The following TRPM6 variants were observed in gnomAD, a reference collection of about 807,000 sequenced individuals.
TRPM6 encodes transient receptor potential cation channel subfamily M member 6, also known as channel kinase 2.
In TRPM6, 111 loss-of-function variants were observed where a neutral mutation model predicts 247.6. The ratio of observed to expected loss-of-function variants is 0.45; its 90% confidence interval spans 0.38 to 0.52. The LOEUF is 0.52. Ranked by LOEUF, TRPM6 falls within the 20% of genes least tolerant of loss-of-function variation. The pLI is 0.00. For missense variants in TRPM6, 2,126 were observed against 2,421.5 expected, an observed-to-expected ratio of 0.88 and a Z score of 2.56; for synonymous variants, 892 against 853.8, an observed-to-expected ratio of 1.04 and a Z score of -0.78.
intron 37 of TRPM6, among the ~76,000 whole-genome samples, chr9:74,731,717 T>C (rs188019777): frequency 1.3e-5 from 2 of 148,364 alleles, no homozygotes; most frequent in African/African-American, 4.9e-5. Flanking sequence ...ATAATATATA[T>C]AATATATATA....
At chr9:74,875,343 G>A in intron 1 of TRPM6, 1 of 436,362 alleles carries the variant, frequency 2.3e-6, no homozygotes, top group Admixed American at 2.5e-5. Flanking sequence ...AGGAGTTCGA[G>A]ACCAGCCTGG....
chr9:74,779,903 G>C (rs1827360931), intron 23 of TRPM6, among the ~76,000 whole-genome samples: 1 of 152,236 alleles, frequency 6.6e-6, no homozygotes, highest in African/African-American at 2.4e-5. Flanking sequence ...GCTGGGCGCA[G>C]TGGCTCACAC....
rs1463662254 is a variant in TRPM6 at position 74,825,637 on chromosome 9, G to C, written c.841+2141C>G. 3.3e-5 allele frequency among the ~76,000 whole-genome samples: 5 copies of C among 152,094 alleles called. No homozygotes were observed. The East Asian group carries it at 9.6e-4, about 29-fold the overall frequency. On this transcript the variant is annotated intron_variant, in intron 7 of 38. Coordinates refer to ENST00000360774, the MANE Select transcript of TRPM6 (RefSeq NM_017662.5). ...TTTCAAGGTCTTTGAAAGTAGAAATGTCATCTGCTACTATAAGCAAGCTCA... is the reference window on the plus strand; with the variant it reads ...TTTCAAGGTCTTTGAAAGTAGAAATCTCATCTGCTACTATAAGCAAGCTCA...
chr9:74,815,418 C>T (rs1485093060), intron 11 of TRPM6, among the ~76,000 whole-genome samples: 1 of 152,122 alleles, frequency 6.6e-6, no homozygotes, highest in African/African-American at 2.4e-5. Flanking sequence ...ACATGTAAGT[C>T]CTCAAAATAT....
chr9:74,852,075 G>A (rs1247551775), intron 3 of TRPM6, among the ~76,000 whole-genome samples: 1 of 151,986 alleles, frequency 6.6e-6, no homozygotes, highest in Non-Finnish European at 1.5e-5. Context: ...GTTTGAGGTT[G>A]CAATGAGCTA....
At chr9:74,767,248 G>A (rs115656281) in intron 25 of TRPM6, among the ~76,000 whole-genome samples, 108 of 152,178 alleles carry the variant, frequency 7.1e-4, no homozygotes, top group African/African-American at 2.3e-3. Context: ...CAGCATTTCC[G>A]AAATATAATG....
At position 74,775,946 on chromosome 9, in the gene TRPM6, G is replaced by A. The variant is rs1363689739; in HGVS notation, c.3340C>T (p.Leu1114Phe). ...CGATGACAGCACAGGCGGCGGAGGA[G>A]AAGGCCCACGTGGCTCAGCAGGATG... ...PLILLSHVGL[L>F]LRRLCCHRAP... Residue 1114 changes from leucine to phenylalanine, a missense_variant, in exon 24 of 39, where the codon CTC becomes TTC. Transcript: ENST00000360774. The A allele has an allele frequency of 1.2e-6, 2 of 1,614,066 alleles. No individual in the cohort carries two copies. The highest frequency in any genetic ancestry group is 1.3e-5 in the African/African-American group (1 of 74,924).
Position 74,851,270 on chromosome 9 carries a change from C to G in TRPM6, c.152+4257G>C, listed in dbSNP as rs928828164. ...AGCTCACTTTATATAAATGTCAATT[C>G]CAGGAGGGGGGTTAAAAAAAATGTC... On this transcript the variant is annotated intron_variant, in intron 3 of 38. Transcript: ENST00000360774. Among the ~76,000 whole-genome samples, 4 of 151,726 alleles carry G rather than the reference C, an allele frequency of 2.6e-5. No homozygotes were observed. In the South Asian group the frequency reaches 8.3e-4, roughly 31 times the overall value.
chr9:74,818,318 T>TC (rs1361144027), intron 9 of TRPM6, among the ~76,000 whole-genome samples: 9 of 148,326 alleles, frequency 6.1e-5, no homozygotes, highest in African/African-American at 2.2e-4. Flanking sequence ...TTTTTTTTTT[T>TC]TGAGACAGGG....
intron 13 of TRPM6, among the ~76,000 whole-genome samples, chr9:74,809,911 G>A (rs1043619518): frequency 3.4e-5 from 5 of 148,204 alleles, no homozygotes; most frequent in East Asian, 4.2e-4. Flanking sequence ...ACCAAGAGGC[G>A]GAGGTTGCAG....
At chr9:74,796,144 A>G (rs573698367) in intron 18 of TRPM6, among the ~76,000 whole-genome samples, 1 of 152,384 alleles carries the variant, frequency 6.6e-6, no homozygotes, top group East Asian at 1.9e-4. Context: ...AATTCTAAAA[A>G]CATAGCAGCT....
chr9:74,748,019 T>A, intron 30 of TRPM6, 105 bp from the exon 31 acceptor site: 7 of 1,046,022 alleles, frequency 6.7e-6, no homozygotes, highest in African/African-American at 1.6e-5. Flanking sequence ...AAAGTATATA[T>A]TTTATATACA....
At chr9:74,766,142 G>A (rs753543016) in intron 25 of TRPM6, among the ~76,000 whole-genome samples, 17 of 152,158 alleles carry the variant, frequency 1.1e-4, no homozygotes, top group Non-Finnish European at 2.4e-4. Flanking sequence ...CAGTCACATC[G>A]AATGGATACA....
chr9:74,750,642 A>G (rs1826212592), intron 30 of TRPM6, 22 bp downstream of exon 30: 1 of 1,610,572 alleles, frequency 6.2e-7, no homozygotes, highest in Non-Finnish European at 8.5e-7. Context: ...ATTCTTAAAC[A>G]TAAACATTTA....
In TRPM6 at chr9:74,782,488, G is replaced by A. The variant is rs917343947; in HGVS notation, c.3095-12C>T. 3 of 1,600,102 alleles carry A rather than the reference G, an allele frequency of 1.9e-6. No individual in the cohort carries two copies. Among genetic ancestry groups the A allele is most frequent in the Non-Finnish European group, 2.6e-6 (3 of 1,168,518 alleles). ...CTGGCTTGAACAAACTACAAATAAA[G>A]AATTTTAAAAGAATGAAAGATAAGA... On this transcript the variant is annotated splice_polypyrimidine_tract_variant and intron_variant, in intron 22 of 38. Coordinates refer to ENST00000360774, the MANE Select transcript of TRPM6 (RefSeq NM_017662.5).
Position 74,816,951 on chromosome 9 carries a change from T to A in TRPM6, c.1148A>T (p.Asp383Val), listed in dbSNP as rs1027164656. 6.2e-7 allele frequency: 1 copy of A among 1,613,968 alleles called. No homozygotes were observed. The highest frequency in any genetic ancestry group is 1.3e-5 in the African/African-American group (1 of 75,048). ...GTCTTGCTGCTCTTCAGAGTCAGCA[T>A]CAAATATGGTAATCTACAACAGTGA... ...MVHRDCITIF[D>V]ADSEEQQDLD... The change falls in exon 10 of 39, where the codon GAT becomes GTT. Residue 383 changes from aspartate (D) to valine (V), a missense_variant. Asp to Val is a radical substitution (Grantham distance 152). Coordinates refer to ENST00000360774, the MANE Select transcript of TRPM6 (RefSeq NM_017662.5).
chr9:74,746,708 C>T (rs1309361068), intron 31 of TRPM6, among the ~76,000 whole-genome samples: 2 of 151,860 alleles, frequency 1.3e-5, no homozygotes, highest in Non-Finnish European at 2.9e-5. Context: ...GGAGACAAAC[C>T]AATCAGACTA....
chr9:74,789,863 A>T (rs562570622), intron 19 of TRPM6, among the ~76,000 whole-genome samples: 2 of 147,404 alleles, frequency 1.4e-5, no homozygotes, highest in Non-Finnish European at 3.0e-5. Context: ...CAGGAGACTG[A>T]GGCAAGAGCA....
intron 1 of TRPM6, among the ~76,000 whole-genome samples, chr9:74,867,276 T>A (rs964810552): frequency 6.6e-6 from 1 of 152,212 alleles, no homozygotes; most frequent in South Asian, 2.1e-4. Flanking sequence ...AAATAGCATC[T>A]TAGTACCATT....
Sources: allele counts gnomAD v4.1 joint callset (sites outside exome capture counted in the v4.1 genomes callset), GRCh38; gene constraint gnomAD v4.1.1; transcripts MANE v1.5; gene names NCBI Gene and HGNC (gene_info 2026-07-23, HGNC 2026-07-21).